EMID1: variants seen among roughly 807,000 people sequenced by gnomAD.
EMID1 encodes the protein EMI domain-containing protein 1.
Under a neutral mutation model 60.6 loss-of-function variants are expected in EMID1, and 40 were observed. The ratio of observed to expected loss-of-function variants is 0.66; its 90% CI spans 0.51 to 0.86. The LOEUF is 0.86. Among genes scored for constraint, EMID1 ranks in the 40% least tolerant of loss-of-function variants. The pLI is 0.00. For missense variants in EMID1, 585 were observed against 597.1 expected, an observed-to-expected ratio of 0.98 and a Z score of 0.21; for synonymous variants, 242 against 231.0, an observed-to-expected ratio of 1.05 and a Z score of -0.43.
Position 29,227,970 on chromosome 22 carries a change from A to G in EMID1, c.465+1419A>G, listed in dbSNP as rs140460976. Among the ~76,000 whole-genome samples, 1,474 of 152,070 alleles carry G rather than the reference A, an allele frequency of 9.7e-3. 24 individuals carry two copies. Among genetic ancestry groups the G allele is most frequent in the African/African-American group, 0.034 (1,394 of 41,464 alleles). On this transcript the variant is annotated intron_variant, in intron 5 of 14. Coordinates refer to ENST00000334018, the MANE Select transcript of EMID1 (RefSeq NM_133455.4). ...CAAGAGTTCAAGACCAGCCTGACCA[A>G]CTTGGAGAAACCCCATCTCTACTAA... is the stretch of plus-strand genomic sequence containing the variant.
In EMID1 at chr22:29,233,369, G is replaced by C; in HGVS notation, c.824-10G>C. On this transcript the variant is annotated splice_polypyrimidine_tract_variant and intron_variant, in intron 8 of 14. Coordinates refer to ENST00000334018, the MANE Select transcript of EMID1 (RefSeq NM_133455.4). ...CCAGCTCTACTCACTCATCATCTTT[G>C]CTCACCCAGGAGACCCATTGCTGTC... 6.2e-7 allele frequency: 1 copy of C among 1,613,782 alleles called. No homozygotes were observed. Among genetic ancestry groups the C allele is most frequent in the Non-Finnish European group, 8.5e-7 (1 of 1,179,684 alleles).
chr22:29,208,071 G>A (rs939812300), intron 1 of EMID1, among the ~76,000 whole-genome samples: 3 of 152,200 alleles, frequency 2.0e-5, no homozygotes, highest in African/African-American at 7.2e-5. Context: ...CTCACCTGCA[G>A]TGGTTCCTGC....
At chr22:29,249,992 A>G (rs1358591113) in intron 13 of EMID1, among the ~76,000 whole-genome samples, 1 of 152,166 alleles carries the variant, frequency 6.6e-6, no homozygotes, top group Non-Finnish European at 1.5e-5. Flanking sequence ...CTGTAATCCC[A>G]GCACTTTGGG....
chr22:29,225,143 C>T lies in EMID1; in HGVS notation c.330C>T (p.Ser110=), dbSNP rs954271466. ...CCCTCCATCCCTTAGTTGCAGCTTC[C>T]TCTGCCTCCTTGGAGCCCATGTGGT... The part of the protein sequence containing the change: ...SGVSCEEVAA[S]SASLEPMWSG... The change falls in exon 4 of 15, where the codon TCC becomes TCT. Residue 110 remains serine, a synonymous_variant. Coordinates refer to ENST00000334018, the MANE Select transcript of EMID1 (RefSeq NM_133455.4). 3.7e-6 allele frequency: 6 copies of T among 1,613,836 alleles called. No individual in the cohort carries two copies. Among genetic ancestry groups the T allele is most frequent in the Non-Finnish European group, 5.1e-6 (6 of 1,180,008 alleles).
chr22:29,208,235 A>C (rs1021729032), intron 1 of EMID1, among the ~76,000 whole-genome samples: 1 of 152,142 alleles, frequency 6.6e-6, no homozygotes, highest in African/African-American at 2.4e-5. Context: ...CCAGCACCCC[A>C]GGCACCCCTT....
chr22:29,236,043 G>C (rs1601993687), intron 12 of EMID1, among the ~76,000 whole-genome samples: 1 of 151,672 alleles, frequency 6.6e-6, no homozygotes, highest in Admixed American at 6.6e-5. Flanking sequence ...CTTATTTTTT[G>C]GTCCATTCTA....
At chr22:29,247,670 G>A (rs141250353) in intron 13 of EMID1, among the ~76,000 whole-genome samples, 6,191 of 152,220 alleles carry the variant, frequency 0.041, 264 homozygotes, top group East Asian at 0.14. Flanking sequence ...TTGCTCTGTC[G>A]CCCAGGGTGG....
At chr22:29,255,204 C>G in intron 14 of EMID1, 62 of 814,518 alleles carry the variant, frequency 7.6e-5, no homozygotes, top group Non-Finnish European at 1.1e-4. Context: ...ACCCTCCCCG[C>G]TTGGCTCCCC....
intron 1 of EMID1, 129 bp downstream of exon 1, chr22:29,206,268 C>T (rs2039648472): frequency 2.7e-6 from 2 of 733,066 alleles, no homozygotes; most frequent in Admixed American, 9.1e-5. Context: ...GGGACACGGC[C>T]ATCCCGCGGT....
chr22:29,231,502 C>T (rs567147819), intron 6 of EMID1, 91 bp from the exon 7 acceptor site: 159 of 1,383,900 alleles, frequency 1.1e-4, no homozygotes, highest in Middle Eastern at 7.2e-4. Context: ...GCTGCTTCCC[C>T]GAAATGGTAG....
intron 8 of EMID1, 150 bp downstream of exon 8, chr22:29,232,552 C>T (rs1326330548): frequency 3.3e-6 from 3 of 904,712 alleles, no homozygotes; most frequent in African/African-American, 1.7e-5. Context: ...CGCCGTTGTC[C>T]TCCTGTGGTT....
chr22:29,225,220 G>A lies in EMID1; in HGVS notation c.403+4G>A, dbSNP rs113810376. The A allele has an allele frequency of 1.4e-5, 23 of 1,613,418 alleles. No individual in the cohort carries two copies. The African/African-American group carries it at 3.1e-4, about 21-fold the overall frequency. On this transcript the variant is annotated splice_donor_region_variant and intron_variant, in intron 4 of 14. Transcript: ENST00000334018. ...CTTCGGCCCACAGCCTTCTCAGGTGGGTCCTGGGATAGCTTCTTGAGGTCC... is the reference window on the plus strand; with the variant it reads ...CTTCGGCCCACAGCCTTCTCAGGTGAGTCCTGGGATAGCTTCTTGAGGTCC...
At chr22:29,233,353 C>T (rs779343529) in intron 8 of EMID1, 26 bp from the exon 9 acceptor site, 7 of 1,612,582 alleles carry the variant, frequency 4.3e-6, no homozygotes, top group African/African-American at 2.7e-5. Flanking sequence ...CCCAGCTCTA[C>T]TCACTCATCA....
At chr22:29,218,385 T>C (rs1318975018) in intron 3 of EMID1, among the ~76,000 whole-genome samples, 1 of 152,224 alleles carries the variant, frequency 6.6e-6, no homozygotes, top group Non-Finnish European at 1.5e-5. Flanking sequence ...TCTCATTTGG[T>C]GTCCATGGCA....
At chr22:29,225,087 A>G (rs1330291262) in intron 3 of EMID1, 46 bp from the exon 4 acceptor site, 5 of 1,593,626 alleles carry the variant, frequency 3.1e-6, no homozygotes, top group Non-Finnish European at 3.4e-6. Context: ...GGGCCTGAGG[A>G]GGCAAGGATC....
At chr22:29,236,889 C>T (rs1351516605) in intron 12 of EMID1, among the ~76,000 whole-genome samples, 27 of 150,634 alleles carry the variant, frequency 1.8e-4, no homozygotes, top group East Asian at 2.0e-4. Flanking sequence ...CTCCGCCTCC[C>T]GGGATCAAGC....
At chr22:29,216,343 C>T in intron 3 of EMID1, 2 of 985,474 alleles carry the variant, frequency 2.0e-6, no homozygotes, top group Non-Finnish European at 2.4e-6. Context: ...CTCTGCTGAG[C>T]AGCCCAGGCC....
chr22:29,223,027 GT>G (rs765159432), intron 3 of EMID1, among the ~76,000 whole-genome samples: 9 of 152,150 alleles, frequency 5.9e-5, no homozygotes, highest in Non-Finnish European at 1.0e-4. Context: ...GGAGGCGGAG[GT>G]TGCAGTGAGC....
chr22:29,249,405 T>A lies in EMID1; in HGVS notation c.1120-4798T>A, dbSNP rs1457182176. Among the ~76,000 whole-genome samples, 12 of 152,064 alleles carry A rather than the reference T, an allele frequency of 7.9e-5. No individual in the cohort carries two copies. In the East Asian group the frequency reaches 1.9e-3, roughly 25 times the overall value. ...CCTCCAGTTCTTGAGTAGTTGGGATTACAGGCGTGCACGCACACCACCATG... is the reference window on the plus strand; with the variant it reads ...CCTCCAGTTCTTGAGTAGTTGGGATAACAGGCGTGCACGCACACCACCATG... On this transcript the variant is annotated intron_variant, in intron 13 of 14. Transcript: ENST00000334018.
Sources: gnomAD v4.1 joint callset for allele counts (sites outside exome capture counted in the v4.1 genomes callset) on GRCh38, gnomAD v4.1.1 for gene constraint, MANE v1.5 for transcripts, NCBI Gene and HGNC (gene_info 2026-07-23, HGNC 2026-07-21) for gene names.